TRIM36: variants seen among roughly 807,000 people sequenced by gnomAD.
The protein encoded by TRIM36 is tripartite motif containing 36.
In TRIM36, 42 loss-of-function variants were observed where a neutral mutation model predicts 72.4. The observed-to-expected ratio is 0.58, with a 90% CI of 0.45 to 0.75. The LOEUF (loss-of-function observed/expected upper bound fraction) is 0.75. Ranked by LOEUF, TRIM36 falls within the 30% of genes least tolerant of loss-of-function variation. The pLI is 0.00. For missense variants in TRIM36, 913 were observed against 857.1 expected, an observed-to-expected ratio of 1.07 and a Z score of -0.81; for synonymous variants, 315 against 282.8, an observed-to-expected ratio of 1.11 and a Z score of -1.14.
intron 2 of TRIM36, among the ~76,000 whole-genome samples, chr5:115,158,755 G>T (rs1385975568): frequency 6.6e-6 from 1 of 152,156 alleles, no homozygotes; most frequent in Non-Finnish European, 1.5e-5. Context: ...AACCAAAAAT[G>T]GGTAGTAGCT....
intron 2 of TRIM36, among the ~76,000 whole-genome samples, chr5:115,153,099 T>C (rs77246621): frequency 0.014 from 2,125 of 152,260 alleles, 51 homozygotes; most frequent in African/African-American, 0.049. Context: ...AATTGCAGAA[T>C]AAGTAAGACT....
At chr5:115,156,776 G>C (rs979020515) in intron 2 of TRIM36, among the ~76,000 whole-genome samples, 2 of 152,180 alleles carry the variant, frequency 1.3e-5, no homozygotes, top group Non-Finnish European at 2.9e-5. Context: ...TCATGACCAA[G>C]AAGCCAAAAG....
chr5:115,160,768 C>T (rs1371879247), intron 2 of TRIM36, among the ~76,000 whole-genome samples: 8 of 152,128 alleles, frequency 5.3e-5, no homozygotes, highest in African/African-American at 1.9e-4. Context: ...ATCACTTGAG[C>T]CTCAGAGTTA....
At chr5:115,137,324 T>C in intron 6 of TRIM36, 39 bp downstream of exon 6, 2 of 1,569,776 alleles carry the variant, frequency 1.3e-6, no homozygotes, top group Non-Finnish European at 1.7e-6. Context: ...TTAATAACAT[T>C]GCTCAATAGG....
In TRIM36 at chr5:115,137,606, T is replaced by C; in HGVS notation, c.842A>G (p.Glu281Gly). Reference protein sequence around the residue: ...LLMKETECNGERAKEEAITHF... With the variant: ...LLMKETECNGGRAKEEAITHF... Reference sequence around the variant, plus strand: ...TGTAATTGCTTCTTCTTTAGCCCTCTCTCCATTACACTAAGAAAAAACAGT... The same window carrying C: ...TGTAATTGCTTCTTCTTTAGCCCTCCCTCCATTACACTAAGAAAAAACAGT... The change falls in exon 6 of 10, where the codon GAG becomes GGG. Residue 281 changes from glutamate (E) to glycine (G), a missense_variant. Coordinates refer to ENST00000513154, the MANE Select transcript of TRIM36 (RefSeq NM_001300759.2). 6.2e-7 allele frequency: 1 copy of C among 1,602,378 alleles called. No individual in the cohort carries two copies. Among genetic ancestry groups the C allele is most frequent in the African/African-American group, 1.3e-5 (1 of 74,386 alleles).
In TRIM36 at chr5:115,130,938, A is replaced by G. The variant is rs1318367691; in HGVS notation, c.1499-49T>C. On this transcript the variant is annotated intron_variant, in intron 8 of 9. Transcript: ENST00000513154. The stretch of plus-strand genomic sequence containing the variant: ...TCAGGCTAAAAATTATCATTGCTCT[A>G]GTTTGTTAAATCTGATAGGTTTTCT... 4 of 1,545,970 alleles carry G rather than the reference A, an allele frequency of 2.6e-6. No individual in the cohort carries two copies. In the African/African-American group the frequency reaches 4.1e-5, roughly 16 times the overall value.
At chr5:115,150,894 GC>G in intron 2 of TRIM36, among the ~76,000 whole-genome samples, 1 of 152,334 alleles carries the variant, frequency 6.6e-6, no homozygotes, top group East Asian at 1.9e-4. Flanking sequence ...AGCTCACTGG[GC>G]CCCCATCAAG....
intron 1 of TRIM36, among the ~76,000 whole-genome samples, chr5:115,178,434 C>T (rs1387725948): frequency 6.6e-6 from 1 of 152,170 alleles, no homozygotes; most frequent in Non-Finnish European, 1.5e-5. Context: ...TCTTTAGAGG[C>T]CGTGGTTCTG....
intron 1 of TRIM36, among the ~76,000 whole-genome samples, chr5:115,179,725 GC>G (rs1201788558): frequency 6.6e-6 from 1 of 152,246 alleles, no homozygotes; most frequent in Non-Finnish European, 1.5e-5. Context: ...AGCCCCTATT[GC>G]TGCCCAGCTG....
At chr5:115,180,101 C>G (rs1755551432) in exon 1 of TRIM36, 1 of 1,535,704 alleles carries the variant, frequency 6.5e-7, no homozygotes, top group African/African-American at 1.4e-5. Context: ...CCTTTCTTTT[C>G]TCTTTTTCTG....
intron 5 of TRIM36, among the ~76,000 whole-genome samples, chr5:115,138,836 G>C (rs1258974633): frequency 1.3e-5 from 2 of 151,856 alleles, no homozygotes; most frequent in Non-Finnish European, 2.9e-5. Flanking sequence ...TTTTTTTTGA[G>C]ACAGAGTCTC....
intron 2 of TRIM36, among the ~76,000 whole-genome samples, chr5:115,150,204 T>A (rs1484493899): frequency 2.6e-5 from 4 of 152,190 alleles, no homozygotes; most frequent in African/African-American, 9.7e-5. Context: ...GGAAGTAATA[T>A]CCTTAATGAA....
chr5:115,131,011 C>T (rs2112771917), intron 8 of TRIM36, 122 bp from the exon 9 acceptor site: 2 of 1,102,074 alleles, frequency 1.8e-6, no homozygotes, highest in South Asian at 3.3e-5. Flanking sequence ...AGGTGTCACA[C>T]TACCCCGGAC....
intron 6 of TRIM36, 102 bp downstream of exon 6, chr5:115,137,261 T>G (rs925375053): frequency 1.2e-5 from 18 of 1,495,794 alleles, no homozygotes; most frequent in Admixed American, 2.3e-5. Context: ...GTACCTCACA[T>G]TAACACAGCA....
At chr5:115,128,794 AGTTTAT>A (rs1752503141) in intron 9 of TRIM36, among the ~76,000 whole-genome samples, 1 of 146,208 alleles carries the variant, frequency 6.8e-6, no homozygotes, top group Non-Finnish European at 1.5e-5. Context: ...AAAAATTGAA[AGTTTAT>A]AAAACTAAGG....
Position 115,130,756 on chromosome 5 carries a change from A to G in TRIM36, c.1632T>C (p.Tyr544=), listed in dbSNP as rs759699771. The G allele has an allele frequency of 1.9e-6, 3 of 1,614,170 alleles. No homozygotes were observed. The highest frequency in any genetic ancestry group is 8.5e-7 in the Non-Finnish European group (1 of 1,180,030). Reference sequence around the variant, plus strand: ...CAATGATGTAGTCTAAGCTTGTGTAATAACCCACTTGGATGCGTTCTGCAG... The same window carrying G: ...CAATGATGTAGTCTAAGCTTGTGTAGTAACCCACTTGGATGCGTTCTGCAG... ...LLAAERIQVG[Y]YTSLDYIIGD... Residue 544 remains tyrosine, a synonymous_variant, in exon 9 of 10, where the codon TAT becomes TAC. Coordinates refer to ENST00000513154, the MANE Select transcript of TRIM36 (RefSeq NM_001300759.2).
At chr5:115,126,894 T>C (rs771890124) in intron 9 of TRIM36, 37 bp from the exon 10 acceptor site, 16 of 1,531,988 alleles carry the variant, frequency 1.0e-5, no homozygotes, top group African/African-American at 1.4e-5. Context: ...TCTTCAACAA[T>C]AGATCTAAGT....
At chr5:115,140,657 A>C (rs1753228178) in intron 5 of TRIM36, among the ~76,000 whole-genome samples, 1 of 152,182 alleles carries the variant, frequency 6.6e-6, no homozygotes, top group South Asian at 2.1e-4. Flanking sequence ...GTAATCACAT[A>C]GTATGTATTC....
chr5:115,177,422 ACT>A lies in TRIM36; in HGVS notation c.63+2551_63+2552del, dbSNP rs202088771. On this transcript the variant is annotated intron_variant, in intron 1 of 9. Coordinates refer to the TRIM36 transcript ENST00000282369. Reference sequence around the variant, plus strand: ...GAGGGCAGGCCAACTACAGGCCTCTACTCTCTTAACTCTCATAATTAGACCAG... The same window carrying A: ...GAGGGCAGGCCAACTACAGGCCTCTACTCTTAACTCTCATAATTAGACCAG... The A allele has an allele frequency of 8.0e-3, 6,204 of 770,888 alleles. 296 individuals are homozygous for A. In the African/African-American group the frequency reaches 0.1, roughly 13 times the overall value. 47.8% of individuals were successfully genotyped at this position (770,888 alleles called of 1,614,324 possible).
Sources: gnomAD v4.1 joint callset for allele counts (sites outside exome capture counted in the v4.1 genomes callset) on GRCh38, gnomAD v4.1.1 for gene constraint, MANE v1.5 for transcripts, NCBI Gene and HGNC (gene_info 2026-07-23, HGNC 2026-07-21) for gene names.